FHIT: variants seen among roughly 807,000 people sequenced by gnomAD.
FHIT encodes fragile histidine triad diadenosine triphosphatase, also known as bis(5'-adenosyl)-triphosphatase.
In FHIT, 19 loss-of-function variants were observed where a neutral mutation model predicts 17.9. The ratio of observed to expected loss-of-function variants is 1.06; its 90% CI spans 0.74 to 1.56. The LOEUF (loss-of-function observed/expected upper bound fraction) is 1.56. Among genes scored for constraint, FHIT ranks in the 40% most tolerant of loss-of-function variants. The pLI is 0.00. For synonymous variants in FHIT, 81 were observed against 69.7 expected, an observed-to-expected ratio of 1.16 and a Z score of -0.81; for missense variants, 248 against 189.2, an observed-to-expected ratio of 1.31 and a Z score of -1.82.
At chr3:60,558,081 C>G (rs956858065) in intron 4 of FHIT, among the ~76,000 whole-genome samples, 11 of 152,048 alleles carry the variant, frequency 7.2e-5, no homozygotes, top group African/African-American at 2.7e-4. Context: ...CCTGCCGGGA[C>G]AGAGTTGTGT....
chr3:60,431,411 C>A (rs373735943), intron 5 of FHIT, among the ~76,000 whole-genome samples: 1 of 152,132 alleles, frequency 6.6e-6, no homozygotes, highest in African/African-American at 2.4e-5. Flanking sequence ...CACTCTTATC[C>A]GTAGAATCAA....
chr3:61,162,079 A>C (rs760212972), intron 2 of FHIT, among the ~76,000 whole-genome samples: 2 of 152,220 alleles, frequency 1.3e-5, no homozygotes, highest in African/African-American at 4.8e-5. Flanking sequence ...CAACAAAGCA[A>C]ATCATCAATT....
intron 5 of FHIT, among the ~76,000 whole-genome samples, chr3:60,523,855 T>C (rs2035469912): frequency 6.6e-6 from 1 of 152,160 alleles, no homozygotes; most frequent in African/African-American, 2.4e-5. Flanking sequence ...GCAGGCCACT[T>C]TGGAATGATG....
chr3:60,736,816 T>C (rs77589722), intron 4 of FHIT, among the ~76,000 whole-genome samples: 11,199 of 152,210 alleles, frequency 0.074, 495 homozygotes, highest in East Asian at 0.22. Context: ...AAGAAAAATA[T>C]CTTATAGAAA....
rs531776132 is a variant in FHIT at position 60,638,340 on chromosome 3, A to G, written c.-17-101361T>C. ...CTTAATGAAATAATGGGTCTAGACA[A>G]CCACCATTCATAGCTGCAAAACCTT... On this transcript the variant is annotated intron_variant, in intron 4 of 9. Coordinates refer to ENST00000492590, the MANE Select transcript of FHIT (RefSeq NM_002012.4). Among the ~76,000 whole-genome samples, 4 of 152,300 alleles carry G rather than the reference A, an allele frequency of 2.6e-5. No individual in the cohort carries two copies. The South Asian group carries it at 6.2e-4, about 24-fold the overall frequency.
At chr3:61,069,824 G>A (rs1575956939) in intron 2 of FHIT, among the ~76,000 whole-genome samples, 1 of 152,190 alleles carries the variant, frequency 6.6e-6, no homozygotes, top group East Asian at 1.9e-4. Context: ...GATTGCAGGA[G>A]AATCAAGCTT....
intron 3 of FHIT, among the ~76,000 whole-genome samples, chr3:60,908,611 C>T (rs782488112): frequency 9.4e-5 from 14 of 149,286 alleles, no homozygotes; most frequent in Non-Finnish European, 1.6e-4. Context: ...CAGACAAAGG[C>T]GGTTGTACTA....
chr3:60,169,425 T>C (rs1021457397), intron 5 of FHIT, among the ~76,000 whole-genome samples: 2 of 152,188 alleles, frequency 1.3e-5, no homozygotes, highest in African/African-American at 4.8e-5. Flanking sequence ...TCACATACAG[T>C]GTTCTTTGTT....
At chr3:60,345,885 C>T (rs533909182) in intron 5 of FHIT, among the ~76,000 whole-genome samples, 13 of 152,308 alleles carry the variant, frequency 8.5e-5, no homozygotes, top group Non-Finnish European at 1.3e-4. Flanking sequence ...CAGATGCATT[C>T]TATTAATTTG....
chr3:61,091,440 T>A (rs542175123), intron 2 of FHIT, among the ~76,000 whole-genome samples: 1 of 152,282 alleles, frequency 6.6e-6, no homozygotes, highest in African/African-American at 2.4e-5. Context: ...TTAAATTAGA[T>A]AATCAATCTA....
chr3:60,337,339 A>G (rs1710293637), intron 5 of FHIT, among the ~76,000 whole-genome samples: 1 of 151,148 alleles, frequency 6.6e-6, no homozygotes, highest in Non-Finnish European at 1.5e-5. Context: ...AATCTGAAAA[A>G]CTCGGTTTCG....
Position 60,306,850 on chromosome 3 carries a change from T to C in FHIT, c.103+230010A>G, listed in dbSNP as rs1708694425. ...GCTCGTCAGTGCTCAAAGAGTACAG[T>C]CATATCGTTTGAATTATCAATAATA... On this transcript the variant is annotated intron_variant, in intron 5 of 9. Coordinates refer to ENST00000492590, the MANE Select transcript of FHIT (RefSeq NM_002012.4). Among the ~76,000 whole-genome samples, 2 of 152,172 alleles carry C rather than the reference T, an allele frequency of 1.3e-5. 1 individual carries two copies. The highest frequency in any genetic ancestry group is 1.3e-4 in the Admixed American group (2 of 15,248).
intron 3 of FHIT, among the ~76,000 whole-genome samples, chr3:61,022,034 TA>T (rs1229487101): frequency 3.3e-5 from 5 of 152,108 alleles, no homozygotes; most frequent in Non-Finnish European, 5.9e-5. Flanking sequence ...GAAAAACCCT[TA>T]AAAAAATCAA....
chr3:61,037,193 G>A (rs1444641937), intron 3 of FHIT, among the ~76,000 whole-genome samples: 1 of 152,120 alleles, frequency 6.6e-6, no homozygotes, highest in Non-Finnish European at 1.5e-5. Flanking sequence ...TTACAGGCGT[G>A]AGCCACCGTG....
At chr3:60,365,088 A>G (rs1212760276) in intron 5 of FHIT, among the ~76,000 whole-genome samples, 6 of 149,952 alleles carry the variant, frequency 4.0e-5, no homozygotes, top group Non-Finnish European at 7.4e-5. Flanking sequence ...TCTCTCTCAT[A>G]TATTATTACA....
chr3:60,436,112 G>GGCTCA lies in FHIT; in HGVS notation c.103+100743_103+100747dup, dbSNP rs1472745856. On this transcript the variant is annotated intron_variant, in intron 5 of 9. Coordinates refer to ENST00000492590, the MANE Select transcript of FHIT (RefSeq NM_002012.4). ...GACTGGAATGCAGTAGCACGATCTT[G>GGCTCA]GCTCAGCTCACTGCAACCTCTGCCT... is the stretch of plus-strand genomic sequence containing the variant. 2.0e-5 allele frequency among the ~76,000 whole-genome samples: 3 copies of GGCTCA among 151,942 alleles called. No individual in the cohort carries two copies. The East Asian group carries it at 5.8e-4, about 29-fold the overall frequency.
chr3:61,205,264 T>G (rs1293213425), intron 1 of FHIT, among the ~76,000 whole-genome samples: 1 of 152,112 alleles, frequency 6.6e-6, no homozygotes, highest in Non-Finnish European at 1.5e-5. Flanking sequence ...CTATTGTGAA[T>G]AGTGCCACAA....
At chr3:61,193,482 A>G (rs1419603952) in intron 2 of FHIT, among the ~76,000 whole-genome samples, 1 of 152,220 alleles carries the variant, frequency 6.6e-6, no homozygotes, top group Non-Finnish European at 1.5e-5. Context: ...AGAGTGGACT[A>G]AAGTTCAGGG....
intron 8 of FHIT, among the ~76,000 whole-genome samples, chr3:59,804,753 T>C (rs1352114616): frequency 1.3e-5 from 2 of 152,222 alleles, no homozygotes; most frequent in Non-Finnish European, 2.9e-5. Flanking sequence ...TATTTTCCTG[T>C]CTCACTGCCA....
Sources: gnomAD v4.1 joint callset for allele counts (sites outside exome capture counted in the v4.1 genomes callset) on GRCh38, gnomAD v4.1.1 for gene constraint, MANE v1.5 for transcripts, NCBI Gene and HGNC (gene_info 2026-07-23, HGNC 2026-07-21) for gene names.